STRN3: variants seen among roughly 807,000 people sequenced by gnomAD.
STRN3 encodes the protein striatin-3.
In STRN3, 29 loss-of-function variants were observed where a neutral mutation model predicts 95.6. The observed-to-expected ratio is 0.30, with a 90% CI of 0.23 to 0.41. The LOEUF is 0.41. Ranked by LOEUF, STRN3 falls within the 10% of genes least tolerant of loss-of-function variation. The probability of loss-of-function intolerance (pLI) is 1.00; values close to 1 mark genes in which losing one functional copy is unlikely to be tolerated. For synonymous variants in STRN3, 331 were observed against 357.6 expected (o/e 0.93, Z 0.84); for missense variants, 890 against 972.1 (o/e 0.92, Z 1.12).
chr14:30,938,515 G>C (rs1413610476), intron 5 of STRN3, among the ~76,000 whole-genome samples: 1 of 152,086 alleles, frequency 6.6e-6, no homozygotes, highest in Admixed American at 6.6e-5. Context: ...TGTCTCTAAA[G>C]TAAGAGTACC....
intron 1 of STRN3, among the ~76,000 whole-genome samples, chr14:31,019,102 T>C (rs1277183603): frequency 5.9e-5 from 9 of 152,054 alleles, no homozygotes; most frequent in Non-Finnish European, 5.9e-5. Flanking sequence ...CTTGAGGCCA[T>C]GATCTCAAGA....
chr14:30,980,524 C>T (rs941125897), intron 1 of STRN3, among the ~76,000 whole-genome samples: 3 of 151,964 alleles, frequency 2.0e-5, no homozygotes, highest in African/African-American at 7.2e-5. Context: ...TTTCCTGCCT[C>T]AGCCTCCCGA....
chr14:30,936,734 T>A, intron 5 of STRN3, 110 bp from the exon 6 acceptor site: 2 of 1,299,356 alleles, frequency 1.5e-6, no homozygotes, highest in Non-Finnish European at 2.1e-6. Flanking sequence ...TTCGAATGAC[T>A]ACCTACTGTC....
chr14:30,902,105 A>C (rs894923997), intron 16 of STRN3, among the ~76,000 whole-genome samples: 2 of 145,598 alleles, frequency 1.4e-5, no homozygotes, highest in Non-Finnish European at 3.0e-5. Context: ...CAAGAGGCCG[A>C]GATTGCAGTG....
chr14:30,949,859 G>T (rs1167938773), intron 4 of STRN3, among the ~76,000 whole-genome samples: 2 of 152,022 alleles, frequency 1.3e-5, no homozygotes, highest in African/African-American at 4.8e-5. Flanking sequence ...GTGGCCAAGG[G>T]TTATGAAAAA....
chr14:30,963,249 A>G (rs1462861704), intron 1 of STRN3, among the ~76,000 whole-genome samples: 1 of 152,014 alleles, frequency 6.6e-6, no homozygotes, highest in Non-Finnish European at 1.5e-5. Flanking sequence ...CCACCAGACA[A>G]ATGGTAAGGA....
intron 1 of STRN3, among the ~76,000 whole-genome samples, chr14:30,977,418 A>T (rs1881158953): frequency 6.6e-6 from 1 of 152,080 alleles, no homozygotes; most frequent in Non-Finnish European, 1.5e-5. Flanking sequence ...ATTAAACTCT[A>T]GCCAGGCTAG....
intron 1 of STRN3, among the ~76,000 whole-genome samples, chr14:30,972,982 G>A (rs1242074428): frequency 6.6e-6 from 1 of 152,274 alleles, no homozygotes; most frequent in Admixed American, 6.5e-5. Flanking sequence ...GACAAGGTGA[G>A]TGGATCACCT....
intron 5 of STRN3, among the ~76,000 whole-genome samples, chr14:30,944,151 G>GA (rs1352827305): frequency 6.6e-6 from 1 of 151,832 alleles, no homozygotes; most frequent in Non-Finnish European, 1.5e-5. Context: ...GAGTGAGGGG[G>GA]AAAAAAACGA....
At chr14:30,926,594 CTTA>C (rs1221916873) in intron 8 of STRN3, among the ~76,000 whole-genome samples, 4 of 151,500 alleles carry the variant, frequency 2.6e-5, no homozygotes, top group Admixed American at 6.6e-5. Flanking sequence ...TATAATACTT[CTTA>C]TATTATCTGA....
intron 1 of STRN3, among the ~76,000 whole-genome samples, chr14:30,998,807 TA>T (rs1456858415): frequency 6.6e-6 from 1 of 152,146 alleles, no homozygotes; most frequent in African/African-American, 2.4e-5. Context: ...CACATTATAT[TA>T]AATGTCTATA....
intron 8 of STRN3, among the ~76,000 whole-genome samples, chr14:30,926,498 G>A (rs769801734): frequency 1.3e-5 from 2 of 151,794 alleles, no homozygotes; most frequent in Non-Finnish European, 2.9e-5. Flanking sequence ...AGGATTGCAG[G>A]TGATTTTTAT....
Position 30,898,961 on chromosome 14 carries a change from C to T in STRN3, c.2138-3213G>A, listed in dbSNP as rs117750451. 1.8e-3 allele frequency among the ~76,000 whole-genome samples: 276 copies of T among 152,234 alleles called. 5 individuals are homozygous for T. In the East Asian group the frequency reaches 0.032, roughly 17 times the overall value. On this transcript the variant is annotated intron_variant, in intron 16 of 17. Transcript: ENST00000357479. Reference sequence around the variant, plus strand: ...CACAAGTCACTTAACTTCTTTAAGCCCTTCAACCTCATGTGTAAAATGGGG... The same window carrying T: ...CACAAGTCACTTAACTTCTTTAAGCTCTTCAACCTCATGTGTAAAATGGGG...
intron 4 of STRN3, among the ~76,000 whole-genome samples, chr14:30,950,122 A>T (rs1473690788): frequency 6.6e-6 from 1 of 152,180 alleles, no homozygotes; most frequent in Non-Finnish European, 1.5e-5. Context: ...AAAAGCAACC[A>T]TAGGTAGAAG....
intron 1 of STRN3, among the ~76,000 whole-genome samples, chr14:31,024,193 G>C (rs1047276730): frequency 5.9e-5 from 9 of 152,200 alleles, no homozygotes; most frequent in African/African-American, 2.2e-4. Context: ...TTGCTAACTT[G>C]AAGAGTGTTG....
chr14:30,960,868 CAAAAAAAAAAAAAA>C (rs56227331), intron 1 of STRN3, among the ~76,000 whole-genome samples: 1 of 47,618 alleles, frequency 2.1e-5, no homozygotes, highest in African/African-American at 8.3e-5. Context: ...GACTCCATCT[CAAAAAAAAAAAAAA>C]AAAAAAAATA....
chr14:30,929,340 A>C (rs576453442), intron 7 of STRN3, 29 bp from the exon 8 acceptor site: 3 of 1,589,062 alleles, frequency 1.9e-6, no homozygotes, highest in East Asian at 4.5e-5. Context: ...TAAAAGAAAA[A>C]AAATCAGCAG....
chr14:31,001,354 A>C (rs1014555175), intron 1 of STRN3, among the ~76,000 whole-genome samples: 2 of 152,014 alleles, frequency 1.3e-5, no homozygotes, highest in African/African-American at 4.8e-5. Context: ...TGGGCAACAC[A>C]GCAAGACCAT....
At position 30,975,694 on chromosome 14, in the gene STRN3, G is replaced by A. The variant is rs559581102; in HGVS notation, c.283-19452C>T. ...CTTTTATTTAAAAAATTAGCCAGGT[G>A]TGGTGGCACATGCCAATAGTCCCAG... On this transcript the variant is annotated intron_variant, in intron 1 of 17. Transcript: ENST00000357479. Among the ~76,000 whole-genome samples, 8 of 152,136 alleles carry A rather than the reference G, an allele frequency of 5.3e-5. No individual in the cohort carries two copies. The East Asian group carries it at 1.2e-3, about 22-fold the overall frequency.
Sources: allele counts gnomAD v4.1 joint callset (sites outside exome capture counted in the v4.1 genomes callset), GRCh38; gene constraint gnomAD v4.1.1; transcripts MANE v1.5; gene names NCBI Gene and HGNC (gene_info 2026-07-23, HGNC 2026-07-21).